The following GPR158 variants were observed in gnomAD, a reference collection of about 807,000 sequenced individuals.
GPR158 encodes the protein metabotropic glycine receptor.
GPR158 carries 30 observed loss-of-function variants against 78.2 expected under a neutral mutation model. The observed-to-expected ratio is 0.38, with a 90% CI of 0.29 to 0.52. The LOEUF (loss-of-function observed/expected upper bound fraction) is 0.52, where lower values mean the gene tolerates loss of function less well. GPR158 is among the 20% of genes least tolerant of loss of function. The probability of loss-of-function intolerance (pLI) is 0.83; values close to 1 mark genes in which losing one functional copy is unlikely to be tolerated. For missense variants in GPR158, 1,463 were observed against 1,523.5 expected, an observed-to-expected ratio of 0.96 and a Z score of 0.66; for synonymous variants, 581 against 591.1, an observed-to-expected ratio of 0.98 and a Z score of 0.25.
chr10:25,405,575 T>C (rs554213394), intron 3 of GPR158, among the ~76,000 whole-genome samples: 63 of 147,310 alleles, frequency 4.3e-4, no homozygotes, highest in African/African-American at 1.5e-3. Context: ...TGTCAGCTTA[T>C]TGGGCCTCCA....
intron 2 of GPR158, among the ~76,000 whole-genome samples, chr10:25,239,893 T>C (rs768947272): frequency 3.3e-5 from 5 of 152,178 alleles, no homozygotes; most frequent in Non-Finnish European, 5.9e-5. Flanking sequence ...TTTTTAGTTA[T>C]CATCATCTAT....
At chr10:25,181,100 C>T (rs1325630064) in intron 1 of GPR158, among the ~76,000 whole-genome samples, 4 of 152,110 alleles carry the variant, frequency 2.6e-5, no homozygotes, top group Non-Finnish European at 5.9e-5. Flanking sequence ...GAAAAATGAC[C>T]GTCTTGCTCT....
intron 2 of GPR158, among the ~76,000 whole-genome samples, chr10:25,340,799 C>T (rs538213138): frequency 2.9e-4 from 44 of 152,050 alleles, no homozygotes; most frequent in African/African-American, 9.6e-4. Flanking sequence ...TGAAACAAAA[C>T]CAATATTTGA....
intron 2 of GPR158, among the ~76,000 whole-genome samples, chr10:25,353,570 T>A (rs35257646): frequency 0.094 from 14,284 of 152,056 alleles, 1,621 homozygotes; most frequent in African/African-American, 0.28. Context: ...ACATGTATGT[T>A]TGTTATATTT....
intron 6 of GPR158, among the ~76,000 whole-genome samples, chr10:25,572,440 T>C (rs911547498): frequency 3.3e-5 from 5 of 152,154 alleles, no homozygotes; most frequent in African/African-American, 1.2e-4. Flanking sequence ...TGCAGTACAC[T>C]ATGATTGTGC....
intron 6 of GPR158, among the ~76,000 whole-genome samples, chr10:25,570,603 A>G (rs571514868): frequency 6.6e-6 from 1 of 152,284 alleles, no homozygotes; most frequent in South Asian, 2.1e-4. Context: ...AGCATTCAAG[A>G]GAGGTTTCAT....
chr10:25,500,501 C>G (rs570730765), intron 5 of GPR158, among the ~76,000 whole-genome samples: 16 of 152,260 alleles, frequency 1.1e-4, no homozygotes, highest in African/African-American at 3.6e-4. Flanking sequence ...ACTTCTAAAT[C>G]CTGAAAGAAG....
intron 2 of GPR158, among the ~76,000 whole-genome samples, chr10:25,222,337 C>A (rs1483799210): frequency 1.4e-5 from 2 of 147,046 alleles, no homozygotes; most frequent in African/African-American, 5.1e-5. Flanking sequence ...GTAAGAAGCC[C>A]CCGTAATGCT....
At chr10:25,331,273 C>A (rs1855117035) in intron 2 of GPR158, among the ~76,000 whole-genome samples, 1 of 152,160 alleles carries the variant, frequency 6.6e-6, no homozygotes, top group South Asian at 2.1e-4. Flanking sequence ...TAAGACAATA[C>A]TTTCTATCTA....
At chr10:25,552,814 A>G (rs1836744466) in intron 6 of GPR158, among the ~76,000 whole-genome samples, 1 of 152,180 alleles carries the variant, frequency 6.6e-6, no homozygotes, top group Non-Finnish European at 1.5e-5. Context: ...GTGGTCTGCG[A>G]GAGTATGTTT....
chr10:25,497,463 T>C lies in GPR158; in HGVS notation c.1404+30744T>C, dbSNP rs950644293. 2.6e-5 allele frequency among the ~76,000 whole-genome samples: 4 copies of C among 152,152 alleles called. No individual in the cohort carries two copies. The East Asian group carries it at 5.8e-4, about 22-fold the overall frequency. On this transcript the variant is annotated intron_variant, in intron 5 of 10. Transcript: ENST00000376351. ...ACAACTTAGAAGTTGAATTTGACAA[T>C]AGGGAAGCATTAACCATTTTTGTAA...
At chr10:25,473,849 A>T (rs1835544868) in intron 5 of GPR158, among the ~76,000 whole-genome samples, 2 of 152,126 alleles carry the variant, frequency 1.3e-5, no homozygotes, top group South Asian at 4.1e-4. Context: ...CTCAGATAAA[A>T]CATGATCTCT....
At chr10:25,402,667 A>C (rs550972556) in intron 3 of GPR158, among the ~76,000 whole-genome samples, 8 of 152,134 alleles carry the variant, frequency 5.3e-5, no homozygotes, top group Admixed American at 1.3e-4. Context: ...AATGTAAATA[A>C]TTGATGAATC....
intron 5 of GPR158, among the ~76,000 whole-genome samples, chr10:25,522,674 G>T (rs910616186): frequency 6.6e-6 from 1 of 152,048 alleles, no homozygotes; most frequent in African/African-American, 2.4e-5. Context: ...CACAAAATAC[G>T]CTTATATATT....
intron 2 of GPR158, among the ~76,000 whole-genome samples, chr10:25,391,648 G>A (rs1303958264): frequency 6.6e-6 from 1 of 152,122 alleles, no homozygotes; most frequent in African/African-American, 2.4e-5. Flanking sequence ...ACTTGTTTTT[G>A]ATCTTATAGG....
At chr10:25,406,678 TTTAA>T (rs1359861621) in intron 3 of GPR158, among the ~76,000 whole-genome samples, 2 of 152,202 alleles carry the variant, frequency 1.3e-5, no homozygotes, top group Non-Finnish European at 2.9e-5. Context: ...GTTACAACAA[TTTAA>T]TTAGTTATAA....
chr10:25,218,583 T>A (rs923347674), intron 1 of GPR158, among the ~76,000 whole-genome samples: 2 of 152,170 alleles, frequency 1.3e-5, no homozygotes, highest in African/African-American at 2.4e-5. Context: ...CGAGTAGAAA[T>A]GCCTATTGAT....
At position 25,175,642 on chromosome 10, in the gene GPR158, C is replaced by G. The variant is rs752430885; in HGVS notation, c.222C>G (p.Leu74=). The change falls in exon 1 of 11, where the codon CTC becomes CTG. Residue 74 remains leucine (L), a synonymous_variant. Transcript: ENST00000376351. The surrounding 1 kb of genome is among the most constrained non-coding windows in gnomAD (Gnocchi z 6.4). ...STDGTILAQK[L]AEEVPMDVAS... ...ATGGCACCATCTTGGCGCAGAAACTCGCCGAGGAGGTGCCCATGGACGTGG... is the reference window on the plus strand; with the variant it reads ...ATGGCACCATCTTGGCGCAGAAACTGGCCGAGGAGGTGCCCATGGACGTGG... 6.8e-6 allele frequency: 11 copies of G among 1,611,192 alleles called. No individual in the cohort carries two copies. Among genetic ancestry groups the G allele is most frequent in the Middle Eastern group, 1.6e-4 (1 of 6,084 alleles).
In GPR158 at chr10:25,490,737, A is replaced by G. The variant is rs551297856; in HGVS notation, c.1404+24018A>G. Reference sequence around the variant, plus strand: ...TTCCAAGTCTTTGCTATTGTGAATAATGCCGCAATAAACATATGTGTGCAT... The same window carrying G: ...TTCCAAGTCTTTGCTATTGTGAATAGTGCCGCAATAAACATATGTGTGCAT... On this transcript the variant is annotated intron_variant, in intron 5 of 10. Transcript: ENST00000376351. Among the ~76,000 whole-genome samples the G allele has an allele frequency of 3.8e-3, 562 of 147,818 alleles. 5 individuals are homozygous for G. Among genetic ancestry groups the G allele is most frequent in the African/African-American group, 0.012 (493 of 39,730 alleles).
Sources: allele counts gnomAD v4.1 joint callset (sites outside exome capture counted in the v4.1 genomes callset), GRCh38; gene constraint gnomAD v4.1.1; non-coding constraint Gnocchi (gnomAD v3.1); transcripts MANE v1.5; gene names NCBI Gene and HGNC (gene_info 2026-07-23, HGNC 2026-07-21).